The following PTK2 variants were observed in gnomAD, a reference collection of about 807,000 sequenced individuals.
PTK2 encodes focal adhesion kinase 1.
PTK2 carries 45 observed loss-of-function variants against 150.1 expected under a neutral mutation model. That is an observed-to-expected ratio of 0.30 (90% CI 0.24 to 0.38). The LOEUF (loss-of-function observed/expected upper bound fraction) is 0.38, where lower values mean the gene tolerates loss of function less well. Among genes scored for constraint, PTK2 ranks in the 10% least tolerant of loss-of-function variants. The pLI is 1.00. For synonymous variants in PTK2, 432 were observed against 449.2 expected (o/e 0.96, Z 0.48); for missense variants, 919 against 1,307.3 (o/e 0.70, Z 4.58).
chr8:140,953,407 T>TAC (rs1293598462), intron 1 of PTK2, among the ~76,000 whole-genome samples: 3 of 152,218 alleles, frequency 2.0e-5, no homozygotes, highest in Non-Finnish European at 4.4e-5. Flanking sequence ...AACTAAGGGT[T>TAC]ACTTGAACAC....
At chr8:140,707,673 G>A (rs1350112733) in intron 23 of PTK2, among the ~76,000 whole-genome samples, 2 of 152,178 alleles carry the variant, frequency 1.3e-5, no homozygotes, top group African/African-American at 4.8e-5. Flanking sequence ...CCACAGTGCT[G>A]GGACTACAGG....
chr8:140,861,607 A>T (rs1269113444), intron 5 of PTK2, among the ~76,000 whole-genome samples: 1 of 152,226 alleles, frequency 6.6e-6, no homozygotes, highest in Non-Finnish European at 1.5e-5. Context: ...TACTGTCTAC[A>T]GACTGAAATT....
At chr8:140,739,195 A>G in intron 20 of PTK2, 88 bp from the exon 24 acceptor site, 1 of 839,680 alleles carries the variant, frequency 1.2e-6, no homozygotes, top group Non-Finnish European at 1.7e-6. Flanking sequence ...TATCAAAGGA[A>G]AAAGCTTTAA....
At chr8:140,749,221 T>C (rs1324467410) in intron 17 of PTK2, among the ~76,000 whole-genome samples, 2 of 152,202 alleles carry the variant, frequency 1.3e-5, no homozygotes, top group Non-Finnish European at 2.9e-5. Context: ...AAACATATAA[T>C]TAAATCTCAC....
intron 31 of PTK2, among the ~76,000 whole-genome samples, chr8:140,660,103 G>A (rs1040625646): frequency 6.6e-6 from 1 of 152,046 alleles, no homozygotes; most frequent in African/African-American, 2.4e-5. Flanking sequence ...TGCAGATCCA[G>A]CATCTTGTTC....
intron 26 of PTK2, among the ~76,000 whole-genome samples, chr8:140,696,089 G>A (rs1352595208): frequency 1.4e-4 from 21 of 152,058 alleles, no homozygotes. Flanking sequence ...ACTGTACGGT[G>A]GTACATTCAT....
intron 26 of PTK2, chr8:140,686,995 A>C (rs1269982294): frequency 3.1e-6 from 1 of 325,242 alleles, no homozygotes; most frequent in Non-Finnish European, 5.6e-6. Flanking sequence ...TTCTTCACTG[A>C]GATACCCGCA....
At chr8:140,947,792 G>A (rs2100178198) in intron 1 of PTK2, among the ~76,000 whole-genome samples, 1 of 152,132 alleles carries the variant, frequency 6.6e-6, no homozygotes, top group South Asian at 2.1e-4. Context: ...AGGTATTGGG[G>A]AGGGCTGATG....
At chr8:140,755,427 C>G (rs1430552525) in intron 16 of PTK2, among the ~76,000 whole-genome samples, 1 of 152,122 alleles carries the variant, frequency 6.6e-6, no homozygotes, top group Non-Finnish European at 1.5e-5. Context: ...CCCTCTACTC[C>G]GCGGCCACAC....
chr8:140,854,021 G>A (rs753287174), intron 5 of PTK2, among the ~76,000 whole-genome samples: 1 of 152,108 alleles, frequency 6.6e-6, no homozygotes, highest in Admixed American at 6.5e-5. Context: ...AAAATAAAAG[G>A]AAGGTGACCA....
chr8:140,676,799 G>A (rs1394811109), intron 27 of PTK2, among the ~76,000 whole-genome samples: 2 of 85,214 alleles, frequency 2.3e-5, no homozygotes, highest in Non-Finnish European at 5.2e-5. Flanking sequence ...ATAGCCAGGT[G>A]TGGTGGTGTG....
intron 14 of PTK2, among the ~76,000 whole-genome samples, chr8:140,776,097 A>T (rs1338509353): frequency 6.6e-6 from 1 of 152,192 alleles, no homozygotes; most frequent in Admixed American, 6.5e-5. Context: ...TCCGGCTCCC[A>T]GGTTCAAGTG....
intron 14 of PTK2, among the ~76,000 whole-genome samples, chr8:140,779,021 G>T (rs2100080077): frequency 6.6e-6 from 1 of 152,078 alleles, no homozygotes; most frequent in South Asian, 2.1e-4. Context: ...AGCACTTTGG[G>T]AGGCCAAGGA....
At chr8:140,998,818 C>CAAA (rs959649621) in intron 1 of PTK2, among the ~76,000 whole-genome samples, 2 of 53,492 alleles carry the variant, frequency 3.7e-5, no homozygotes, top group African/African-American at 6.7e-5. Context: ...GACTCCGTCT[C>CAAA]AAAAAAAAAA....
intron 24 of PTK2, 143 bp from the exon 28 acceptor site, chr8:140,702,850 T>C: frequency 2.1e-6 from 2 of 950,886 alleles, no homozygotes; most frequent in Non-Finnish European, 3.0e-6. Context: ...TTCTAATCCC[T>C]TGAACATGTG....
intron 2 of PTK2, among the ~76,000 whole-genome samples, chr8:140,905,000 C>T (rs997777973): frequency 9.2e-5 from 14 of 152,110 alleles, no homozygotes; most frequent in Non-Finnish European, 1.6e-4. Context: ...TCCTTCAGTT[C>T]TGCTCTAATC....
chr8:140,960,338 G>A (rs1031487309), intron 1 of PTK2, among the ~76,000 whole-genome samples: 1 of 151,048 alleles, frequency 6.6e-6, no homozygotes, highest in East Asian at 2.0e-4. Context: ...GCTGGCATGC[G>A]CTACATGATT....
chr8:140,881,569 G>A (rs373007196), intron 3 of PTK2, among the ~76,000 whole-genome samples: 2 of 152,178 alleles, frequency 1.3e-5, no homozygotes, highest in African/African-American at 2.4e-5. Flanking sequence ...TTAGAGCTGC[G>A]ATCAGTGTCT....
chr8:140,697,082 C>T (rs1001411937), intron 26 of PTK2, among the ~76,000 whole-genome samples: 6 of 132,216 alleles, frequency 4.5e-5, no homozygotes, highest in African/African-American at 1.7e-4. Context: ...TGGAGTGAGC[C>T]GTGATTGTGC....
Sources: allele counts gnomAD v4.1 joint callset (sites outside exome capture counted in the v4.1 genomes callset), GRCh38; gene constraint gnomAD v4.1.1; transcripts MANE v1.5; gene names NCBI Gene and HGNC (gene_info 2026-07-23, HGNC 2026-07-21).